The following PIPOX variants were observed in gnomAD, a reference collection of about 807,000 sequenced individuals.
PIPOX encodes the protein peroxisomal sarcosine oxidase.
Under a neutral mutation model 47.9 loss-of-function variants are expected in PIPOX, and 45 were observed. The ratio of observed to expected loss-of-function variants is 0.94; its 90% confidence interval spans 0.74 to 1.20. The LOEUF (loss-of-function observed/expected upper bound fraction) is 1.20, where lower values mean the gene tolerates loss of function less well. PIPOX is among the 50% of genes most tolerant of loss of function. The pLI is 0.00. For missense variants in PIPOX, 458 were observed against 498.4 expected, an observed-to-expected ratio of 0.92 and a Z score of 0.77; for synonymous variants, 165 against 191.3, an observed-to-expected ratio of 0.86 and a Z score of 1.13.
At position 29,052,927 on chromosome 17, in the gene PIPOX, G is replaced by A; in HGVS notation, c.271G>A (p.Gly91Arg). The change falls in exon 3 of 8, where the codon GGA becomes AGA. Residue 91 changes from glycine to arginine, a missense_variant. By Grantham distance (125) the Gly-to-Arg change is moderately radical. Coordinates refer to ENST00000323372, the MANE Select transcript of PIPOX (RefSeq NM_016518.3). ...TGACTTATTTTTTAACAGGCAGACT[G>A]GATTACTGCTGCTGGGAATGAAAGA... ...EAGTQLHRQT[G>R]LLLLGMKENQ... The A allele has an allele frequency of 6.2e-7, 1 of 1,614,060 alleles. No homozygotes were observed. Among genetic ancestry groups the A allele is most frequent in the Non-Finnish European group, 8.5e-7 (1 of 1,179,938 alleles).
At chr17:29,044,630 T>C (rs2065778020) in intron 1 of PIPOX, among the ~76,000 whole-genome samples, 2 of 152,150 alleles carry the variant, frequency 1.3e-5, no homozygotes, top group African/African-American at 4.8e-5. Context: ...CCACCACACC[T>C]GATAGTTTTT....
intron 2 of PIPOX, among the ~76,000 whole-genome samples, chr17:29,050,250 T>G (rs1326463680): frequency 2.0e-5 from 3 of 152,236 alleles, no homozygotes; most frequent in Non-Finnish European, 4.4e-5. Flanking sequence ...TATGCTGCTC[T>G]GGAATTTCCA....
Position 29,044,967 on chromosome 17 carries a change from T to C in PIPOX, c.223T>C (p.Trp75Arg), listed in dbSNP as rs2152698117. 6.2e-7 allele frequency: 1 copy of C among 1,612,858 alleles called. No homozygotes were observed. Among genetic ancestry groups the C allele is most frequent in the East Asian group, 2.2e-5 (1 of 44,808 alleles). ...TRMMHECYQI[W>R]AQLEHEAGTQ... ...GATGATGCATGAGTGCTATCAGATA[T>C]GGGCCCAGCTGGAGCACGAGGCTGG... The change falls in exon 2 of 8, where the codon TGG (tryptophan) becomes CGG (arginine). Residue 75 changes from tryptophan (W) to arginine (R), a missense_variant. By Grantham distance (101) the Trp-to-Arg change is moderately radical. Coordinates refer to ENST00000323372, the MANE Select transcript of PIPOX (RefSeq NM_016518.3).
chr17:29,044,807 T>G (rs2065778580), intron 1 of PIPOX, 52 bp from the exon 2 acceptor site: 1 of 1,553,720 alleles, frequency 6.4e-7, no homozygotes, highest in Non-Finnish European at 8.7e-7. Context: ...TAACAGGGGA[T>G]GCAGTGTGAG....
chr17:29,045,535 C>T (rs1011696374), intron 2 of PIPOX, among the ~76,000 whole-genome samples: 4 of 150,508 alleles, frequency 2.7e-5, no homozygotes, highest in East Asian at 2.0e-4. Context: ...TTCAGCCTCC[C>T]GGGCAGCTGG....
Position 29,046,705 on chromosome 17 carries a change from G to A in PIPOX, c.263+1698G>A. The A allele has an allele frequency of 5.1e-6, 5 of 985,346 alleles. No homozygotes were observed. The South Asian group carries it at 1.9e-4, about 37-fold the overall frequency. 61.0% of individuals were successfully genotyped at this position (985,346 alleles called of 1,614,324 possible). ...GCAGGAAAGAGGGAGAGGGATCCTT[G>A]GGTAGGAGACTCTCAGAAGCGCACA... On this transcript the variant is annotated intron_variant, in intron 2 of 7. Transcript: ENST00000323372.
rs767315868 is a variant in PIPOX at position 29,046,488 on chromosome 17, G to A, written c.263+1481G>A. ...GACTTCTCTGTGCCTCACTTTTTAC[G>A]ATAGGGCTCTGAGAGGATTAAATGA... On this transcript the variant is annotated intron_variant, in intron 2 of 7. Coordinates refer to ENST00000323372, the MANE Select transcript of PIPOX (RefSeq NM_016518.3). 4.4e-4 allele frequency among the ~76,000 whole-genome samples: 67 copies of A among 152,248 alleles called. 1 individual carries two copies. The highest frequency in any genetic ancestry group is 2.1e-4 in the South Asian group (1 of 4,816).
At position 29,056,561 on chromosome 17, in the gene PIPOX, CT is replaced by C; in HGVS notation, c.*259del. 1.8e-6 allele frequency: 1 copy of C among 550,714 alleles called. No homozygotes were observed. The highest frequency in any genetic ancestry group is 3.2e-6 in the Non-Finnish European group (1 of 309,738). The allele number at this position is 550,714 out of a possible 1,614,324, so 34.1% of individuals were successfully genotyped here. On this transcript the variant is annotated 3_prime_UTR_variant, in exon 8 of 8. Coordinates refer to ENST00000323372, the MANE Select transcript of PIPOX (RefSeq NM_016518.3). The stretch of plus-strand genomic sequence containing the variant: ...TTGGCCACCTCCCCATTCACAACTA[CT>C]TTCTCGCTCCCAGAAGGTTGATCAG...
intron 5 of PIPOX, 140 bp downstream of exon 5, chr17:29,054,831 A>G (rs1335189702): frequency 1.7e-6 from 2 of 1,142,880 alleles, no homozygotes; most frequent in East Asian, 2.6e-5. Flanking sequence ...TTTGCAAGGA[A>G]AGACCCTCAG....
intron 2 of PIPOX, among the ~76,000 whole-genome samples, chr17:29,048,719 GT>G (rs1368394094): frequency 6.6e-6 from 1 of 152,244 alleles, no homozygotes; most frequent in Non-Finnish European, 1.5e-5. Flanking sequence ...TGCAGCTGCT[GT>G]TTCTTGTGTC....
intron 6 of PIPOX, among the ~76,000 whole-genome samples, chr17:29,055,554 A>G: frequency 6.6e-6 from 1 of 152,212 alleles, no homozygotes; most frequent in Non-Finnish European, 1.5e-5. Flanking sequence ...ACCACGGCCT[A>G]AGGCATCTTG....
chr17:29,047,965 A>G (rs1323810951), intron 2 of PIPOX, among the ~76,000 whole-genome samples: 1 of 152,212 alleles, frequency 6.6e-6, no homozygotes, highest in African/African-American at 2.4e-5. Flanking sequence ...CAGTTACGAA[A>G]AATGAAAAGT....
chr17:29,045,403 CTTTTTTTTTTT>C (rs57047541), intron 2 of PIPOX, among the ~76,000 whole-genome samples: 24 of 50,984 alleles, frequency 4.7e-4, no homozygotes, highest in South Asian at 2.0e-3. Flanking sequence ...CAGGAGGATT[CTTTTTTTTTTT>C]TTTTTTTTTT....
At chr17:29,051,756 C>A (rs934519707) in intron 2 of PIPOX, among the ~76,000 whole-genome samples, 8 of 152,166 alleles carry the variant, frequency 5.3e-5, no homozygotes, top group African/African-American at 1.9e-4. Context: ...CCCTAGGAGA[C>A]CATCTATCGG....
At chr17:29,047,408 A>G (rs1305122271) in intron 2 of PIPOX, among the ~76,000 whole-genome samples, 1 of 152,238 alleles carries the variant, frequency 6.6e-6, no homozygotes, top group Non-Finnish European at 1.5e-5. Context: ...GCTGCCGGGT[A>G]GTCAGGGTCT....
intron 6 of PIPOX, 142 bp downstream of exon 6, chr17:29,055,363 G>T (rs1190082377): frequency 3.2e-6 from 3 of 949,698 alleles, no homozygotes; most frequent in Non-Finnish European, 4.8e-6. Flanking sequence ...ATTTCTGTGG[G>T]TAGGTTCACC....
At position 29,054,560 on chromosome 17, in the gene PIPOX, G is replaced by C; in HGVS notation, c.676G>C (p.Val226Leu). 6.2e-7 allele frequency: 1 copy of C among 1,614,156 alleles called. No homozygotes were observed. Among genetic ancestry groups the C allele is most frequent in the African/African-American group, 1.3e-5 (1 of 75,028 alleles). The change falls in exon 5 of 8, where the codon GTG (valine) becomes CTG (leucine). Residue 226 changes from valine (V) to leucine (L), a missense_variant. Physicochemically the swap from Val to Leu is conservative, Grantham distance 32 (BLOSUM62 1). Transcript: ENST00000323372. ...CTGCCTCAAGACCCTGCGGATCAAC[G>C]TGTGTTACTGGCGAGAGATGGTTCC... ...EMPLQTLRIN[V>L]CYWREMVPGS...
intron 1 of PIPOX, 69 bp downstream of exon 1, chr17:29,043,408 C>A: frequency 8.8e-7 from 1 of 1,132,128 alleles, no homozygotes; most frequent in Non-Finnish European, 1.3e-6. Flanking sequence ...GAAGGGTTTT[C>A]AGAGCCAGCA....
At chr17:29,055,750 G>A (rs2065825217) in intron 6 of PIPOX, 63 bp from the exon 7 acceptor site, 2 of 1,330,064 alleles carry the variant, frequency 1.5e-6, no homozygotes, top group Non-Finnish European at 2.2e-6. Context: ...TCCAGTTAGA[G>A]CCTGCAGTTC....
Sources: allele counts gnomAD v4.1 joint callset (sites outside exome capture counted in the v4.1 genomes callset), GRCh38; gene constraint gnomAD v4.1.1; transcripts MANE v1.5; gene names NCBI Gene and HGNC (gene_info 2026-07-23, HGNC 2026-07-21).